Variants in LZTFL1 observed in about 807,000 individuals in gnomAD.
LZTFL1 encodes leucine zipper transcription factor like 1, also known as leucine zipper transcription factor-like protein 1.
A neutral mutation model predicts 45.9 loss-of-function variants in LZTFL1; 25 were observed. The ratio of observed to expected loss-of-function variants is 0.54; its 90% CI spans 0.40 to 0.76. The LOEUF is 0.76. Among genes scored for constraint, LZTFL1 ranks in the 30% least tolerant of loss-of-function variants. LZTFL1 has a pLI of 0.00. For missense variants in LZTFL1, 277 were observed against 331.1 expected (o/e 0.84, Z 1.27); for synonymous variants, 93 against 117.4 (o/e 0.79, Z 1.35).
intron 2 of LZTFL1, among the ~76,000 whole-genome samples, chr3:45,877,918 G>T (rs1232987623): frequency 1.3e-5 from 2 of 151,710 alleles, no homozygotes; most frequent in African/African-American, 4.8e-5. Context: ...GCTAATTTTT[G>T]TATTTTTAGT....
intron 2 of LZTFL1, among the ~76,000 whole-genome samples, chr3:45,897,975 C>CAAAAAAAAAAAA (rs72284250): frequency 9.4e-6 from 1 of 105,990 alleles, no homozygotes. Flanking sequence ...GCTATTTGAC[C>CAAAAAAAAAAAA]AAAAAAAAAA....
intron 2 of LZTFL1, among the ~76,000 whole-genome samples, chr3:45,891,369 A>G (rs1702174222): frequency 6.6e-6 from 1 of 152,212 alleles, no homozygotes; most frequent in South Asian, 2.1e-4. Context: ...TGTGTAAAGA[A>G]TGCTTATAAA....
At chr3:45,853,406 T>G (rs1382144785) in intron 4 of LZTFL1, among the ~76,000 whole-genome samples, 1 of 152,236 alleles carries the variant, frequency 6.6e-6, no homozygotes, top group Non-Finnish European at 1.5e-5. Flanking sequence ...TGTGACTTAC[T>G]TTGAGAGCAA....
At chr3:45,880,300 GAAA>G (rs1701831406) in intron 2 of LZTFL1, among the ~76,000 whole-genome samples, 1 of 152,144 alleles carries the variant, frequency 6.6e-6, no homozygotes, top group Non-Finnish European at 1.5e-5. Flanking sequence ...TCAGGAGTTT[GAAA>G]CCAGCCTGGC....
chr3:45,911,545 C>T (rs769594144), intron 2 of LZTFL1, among the ~76,000 whole-genome samples: 1 of 152,234 alleles, frequency 6.6e-6, no homozygotes, highest in Non-Finnish European at 1.5e-5. Context: ...TGTACTTTCT[C>T]CCCAGTTGAA....
At chr3:45,896,023 T>C (rs1431846926) in intron 2 of LZTFL1, among the ~76,000 whole-genome samples, 1 of 152,232 alleles carries the variant, frequency 6.6e-6, no homozygotes, top group Non-Finnish European at 1.5e-5. Context: ...AAATTATTTA[T>C]GATATGCTAA....
rs761059125 is a variant in LZTFL1 at position 45,901,580 on chromosome 3, C to A, written c.-215+11540G>T. 1 of 1,614,096 alleles carries A rather than the reference C, an allele frequency of 6.2e-7. No homozygotes were observed. The highest frequency in any genetic ancestry group is 8.5e-7 in the Non-Finnish European group (1 of 1,180,024). On this transcript the variant is annotated intron_variant, in intron 2 of 4. Transcript: ENST00000472635. This position sits in a 1 kb window ranked among gnomAD's most constrained non-coding sequence, Gnocchi z 4.3. ...CCATCACTGTCCTGACCGTCTTTGTCTTGTCTCAGTTTCCCTACAACTGCA... is the reference window on the plus strand; with the variant it reads ...CCATCACTGTCCTGACCGTCTTTGTATTGTCTCAGTTTCCCTACAACTGCA...
At chr3:45,882,553 T>C (rs535339756) in intron 2 of LZTFL1, among the ~76,000 whole-genome samples, 1 of 152,290 alleles carries the variant, frequency 6.6e-6, no homozygotes, top group Admixed American at 6.5e-5. Flanking sequence ...TAAAATTAAT[T>C]TTTTCTGTGC....
intron 2 of LZTFL1, among the ~76,000 whole-genome samples, chr3:45,892,909 G>T (rs571692305): frequency 6.6e-6 from 1 of 152,322 alleles, no homozygotes; most frequent in East Asian, 1.9e-4. Flanking sequence ...AGATGACACT[G>T]AGAAGTGAAG....
At chr3:45,891,528 C>A (rs1458004809) in intron 2 of LZTFL1, among the ~76,000 whole-genome samples, 1 of 152,014 alleles carries the variant, frequency 6.6e-6, no homozygotes, top group Non-Finnish European at 1.5e-5. Flanking sequence ...TTCTCTTTTG[C>A]CCCTAAATAC....
intron 2 of LZTFL1, among the ~76,000 whole-genome samples, chr3:45,880,029 G>A (rs903440322): frequency 1.4e-4 from 21 of 152,148 alleles, no homozygotes; most frequent in African/African-American, 7.2e-5. Context: ...TGATGCCTCC[G>A]TACAGGCAGA....
chr3:45,852,429 C>T (rs2125702789), intron 4 of LZTFL1, among the ~76,000 whole-genome samples: 1 of 152,274 alleles, frequency 6.6e-6, no homozygotes, highest in South Asian at 2.1e-4. Context: ...AAATGATCCT[C>T]TTATGGGGGA....
chr3:45,835,410 T>C (rs1700939677), intron 3 of LZTFL1, 180 bp downstream of exon 3: 1 of 580,674 alleles, frequency 1.7e-6, no homozygotes, highest in Admixed American at 3.3e-5. Context: ...AACAGAGAAC[T>C]TTTAAAAGGG....
Position 45,825,021 on chromosome 3 carries a change from C to G in LZTFL1, c.*1293G>C, listed in dbSNP as rs972899082. ...TTATCTTACCCTTTAACATTTGTTC[C>G]TTCACTATTTTAACAAAAAGCCTAT... On this transcript the variant is annotated 3_prime_UTR_variant, in exon 10 of 10. Transcript: ENST00000296135. 4 of 396,976 alleles carry G rather than the reference C, an allele frequency of 1.0e-5. No individual in the cohort carries two copies. Among genetic ancestry groups the G allele is most frequent in the African/African-American group, 8.2e-5 (4 of 48,552 alleles). 24.6% of individuals were successfully genotyped at this position (396,976 alleles called of 1,614,324 possible).
Position 45,892,669 on chromosome 3 carries a change from G to T in LZTFL1, c.-215+20451C>A, listed in dbSNP as rs142295091. Among the ~76,000 whole-genome samples, 422 of 152,078 alleles carry T rather than the reference G, an allele frequency of 2.8e-3. 2 individuals are homozygous for T. The highest frequency in any genetic ancestry group is 9.2e-3 in the African/African-American group (383 of 41,468). On this transcript the variant is annotated intron_variant, in intron 2 of 4. Transcript: ENST00000472635. The stretch of plus-strand genomic sequence containing the variant: ...TCTATACACCAAGCCCCCATGACGC[G>T]CAATTTACCTATATGACAAACCTGC...
chr3:45,838,918 C>T (rs998861514), intron 1 of LZTFL1, among the ~76,000 whole-genome samples: 22 of 152,190 alleles, frequency 1.4e-4, no homozygotes. Flanking sequence ...CATATATGCA[C>T]TTGAGTTGTG....
chr3:45,831,957 C>T (rs770750415), intron 5 of LZTFL1, among the ~76,000 whole-genome samples: 14 of 152,158 alleles, frequency 9.2e-5, no homozygotes, highest in Non-Finnish European at 1.6e-4. Context: ...CATTTTTGGC[C>T]GGGCACGGTG....
In LZTFL1 at chr3:45,897,462, T is replaced by A. The variant is rs1702393724; in HGVS notation, c.-215+15658A>T. 10 of 758,040 alleles carry A rather than the reference T, an allele frequency of 1.3e-5. No individual in the cohort carries two copies. The South Asian group carries it at 1.5e-4, about 11-fold the overall frequency. The allele number at this position is 758,040 out of a possible 1,614,324, so 47.0% of individuals were successfully genotyped here. A position where few individuals can be genotyped will look rare whatever the true frequency, so the allele number is the denominator to read the frequency against. The stretch of plus-strand genomic sequence containing the variant: ...CAATGTCCTTGTCTGGGATTCAGTC[T>A]TGGGAGTGTTAGCTGTGCCTGCTCA... On this transcript the variant is annotated intron_variant, in intron 2 of 4. Coordinates refer to the LZTFL1 transcript ENST00000472635.
At chr3:45,893,826 T>A (rs541266529) in intron 2 of LZTFL1, among the ~76,000 whole-genome samples, 1 of 152,216 alleles carries the variant, frequency 6.6e-6, no homozygotes, top group African/African-American at 2.4e-5. Flanking sequence ...GATGACTGGA[T>A]CACATGGTGA....
Sources: gnomAD v4.1 joint callset for allele counts (sites outside exome capture counted in the v4.1 genomes callset) on GRCh38, gnomAD v4.1.1 for gene constraint, Gnocchi (gnomAD v3.1) non-coding constraint, MANE v1.5 for transcripts, NCBI Gene and HGNC (gene_info 2026-07-23, HGNC 2026-07-21) for gene names.